Variants in ZCCHC7 observed in about 807,000 individuals in gnomAD.
The protein encoded by ZCCHC7 is zinc finger CCHC-type containing 7, also known as zinc finger CCHC domain-containing protein 7.
Under a neutral mutation model 52.0 loss-of-function variants are expected in ZCCHC7, and 35 were observed. The observed-to-expected ratio is 0.67, with a 90% CI of 0.51 to 0.89. The LOEUF (loss-of-function observed/expected upper bound fraction) is 0.89. Among genes scored for constraint, ZCCHC7 ranks in the 40% least tolerant of loss-of-function variants. The probability of loss-of-function intolerance (pLI) is 0.00; values close to 1 mark genes in which losing one functional copy is unlikely to be tolerated. For missense variants in ZCCHC7, 574 were observed against 649.1 expected (o/e 0.88, Z 1.26); for synonymous variants, 217 against 221.5 (o/e 0.98, Z 0.18).
At chr9:37,337,248 A>AT (rs1256154267) in intron 6 of ZCCHC7, among the ~76,000 whole-genome samples, 2 of 152,190 alleles carry the variant, frequency 1.3e-5, no homozygotes, top group African/African-American at 4.8e-5. Context: ...CTAAATTAAA[A>AT]TTGGTAATGA....
chr9:37,309,121 G>T (rs1245290326), intron 5 of ZCCHC7, among the ~76,000 whole-genome samples: 2 of 152,050 alleles, frequency 1.3e-5, no homozygotes, highest in Non-Finnish European at 2.9e-5. Context: ...TATATTTGTT[G>T]TAATTACATG....
At chr9:37,259,397 T>C (rs181244186) in intron 2 of ZCCHC7, among the ~76,000 whole-genome samples, 2 of 152,334 alleles carry the variant, frequency 1.3e-5, no homozygotes, top group South Asian at 2.1e-4. Context: ...AAATTCATTT[T>C]AGTCATCAAA....
intron 5 of ZCCHC7, among the ~76,000 whole-genome samples, chr9:37,317,772 T>G (rs929459541): frequency 1.3e-5 from 2 of 151,988 alleles, no homozygotes; most frequent in African/African-American, 4.8e-5. Context: ...AATACATCAA[T>G]TATAACAATA....
intron 2 of ZCCHC7, among the ~76,000 whole-genome samples, chr9:37,176,273 C>G (rs571876391): frequency 6.6e-6 from 1 of 152,244 alleles, no homozygotes; most frequent in South Asian, 2.1e-4. Context: ...CGGGGTTTCA[C>G]CGTGTTAGCC....
At chr9:37,297,073 C>CT (rs1442136953) in intron 2 of ZCCHC7, among the ~76,000 whole-genome samples, 2 of 152,152 alleles carry the variant, frequency 1.3e-5, no homozygotes, top group African/African-American at 4.8e-5. Context: ...ATATAGGAGA[C>CT]TGTTTTAGTG....
chr9:37,341,694 A>G (rs1228336255), intron 6 of ZCCHC7, among the ~76,000 whole-genome samples: 2 of 152,146 alleles, frequency 1.3e-5, no homozygotes, highest in African/African-American at 2.4e-5. Context: ...GGAGCTAGCC[A>G]TTTTAAATAG....
chr9:37,169,681 T>C (rs1257451292), intron 2 of ZCCHC7, among the ~76,000 whole-genome samples: 2 of 152,232 alleles, frequency 1.3e-5, no homozygotes, highest in African/African-American at 4.8e-5. Context: ...ATACTAGCAT[T>C]CCTTTGGACA....
intron 2 of ZCCHC7, among the ~76,000 whole-genome samples, chr9:37,285,408 T>G (rs1828160558): frequency 6.6e-6 from 1 of 152,190 alleles, no homozygotes; most frequent in African/African-American, 2.4e-5. Flanking sequence ...CTTTCTCATT[T>G]TCTTCTACCA....
At chr9:37,325,007 TA>T (rs1830184698) in intron 5 of ZCCHC7, among the ~76,000 whole-genome samples, 1 of 152,214 alleles carries the variant, frequency 6.6e-6, no homozygotes, top group African/African-American at 2.4e-5. Context: ...GTTGTTCTCG[TA>T]AAACAATAAT....
intron 5 of ZCCHC7, among the ~76,000 whole-genome samples, chr9:37,306,805 G>T (rs1338871726): frequency 2.8e-4 from 8 of 28,440 alleles, no homozygotes; most frequent in Admixed American, 1.1e-3. Context: ...TTTTTTTTTT[G>T]GAGACAGGGT....
intron 2 of ZCCHC7, among the ~76,000 whole-genome samples, chr9:37,276,700 A>T (rs929417442): frequency 7.9e-5 from 12 of 152,220 alleles, no homozygotes; most frequent in African/African-American, 2.9e-4. Context: ...TAATTATCCT[A>T]GGAATTTAGA....
At chr9:37,310,596 T>C (rs1166854430) in intron 5 of ZCCHC7, among the ~76,000 whole-genome samples, 2 of 152,174 alleles carry the variant, frequency 1.3e-5, no homozygotes, top group African/African-American at 2.4e-5. Context: ...GTCTAAAAGC[T>C]AAAATGATGC....
At chr9:37,211,680 G>A (rs1824222940) in intron 2 of ZCCHC7, among the ~76,000 whole-genome samples, 1 of 152,104 alleles carries the variant, frequency 6.6e-6, no homozygotes, top group Non-Finnish European at 1.5e-5. Context: ...ATGTTGCTCA[G>A]CAGTCTGCAA....
At chr9:37,331,197 A>G (rs559510398) in intron 6 of ZCCHC7, among the ~76,000 whole-genome samples, 20 of 151,766 alleles carry the variant, frequency 1.3e-4, no homozygotes, top group African/African-American at 4.8e-4. Flanking sequence ...TAGAATTCAC[A>G]CTTCAAAAAA....
chr9:37,279,312 A>G (rs960673994), intron 2 of ZCCHC7, among the ~76,000 whole-genome samples: 1 of 152,110 alleles, frequency 6.6e-6, no homozygotes, highest in Non-Finnish European at 1.5e-5. Flanking sequence ...TCATTTGGTG[A>G]CAAGTTTTTT....
intron 5 of ZCCHC7, among the ~76,000 whole-genome samples, chr9:37,306,828 C>T (rs1296884844): frequency 4.6e-5 from 5 of 109,122 alleles, no homozygotes; most frequent in Admixed American, 2.6e-4. Flanking sequence ...CGCTCTGTCA[C>T]GGTGGCTAGA....
At chr9:37,213,183 T>C (rs1175571595) in intron 2 of ZCCHC7, among the ~76,000 whole-genome samples, 1 of 152,188 alleles carries the variant, frequency 6.6e-6, no homozygotes, top group Non-Finnish European at 1.5e-5. Flanking sequence ...CCACAAATTA[T>C]TTGAGCTTCA....
At chr9:37,325,294 C>T (rs1436749963) in intron 5 of ZCCHC7, among the ~76,000 whole-genome samples, 1 of 152,108 alleles carries the variant, frequency 6.6e-6, no homozygotes, top group Non-Finnish European at 1.5e-5. Context: ...CATCTAAGTA[C>T]CAGTAAGGTG....
At chr9:37,302,341 T>C (rs1305682083) in intron 3 of ZCCHC7, 110 bp downstream of exon 3, 20 of 916,106 alleles carry the variant, frequency 2.2e-5, no homozygotes, top group Non-Finnish European at 3.2e-5. Context: ...AAGAAAACAT[T>C]TGATTTTAGC....
Sources: allele counts gnomAD v4.1 joint callset (sites outside exome capture counted in the v4.1 genomes callset), GRCh38; gene constraint gnomAD v4.1.1; transcripts MANE v1.5; gene names NCBI Gene and HGNC (gene_info 2026-07-23, HGNC 2026-07-21).